Variants in GRIK2 observed in about 807,000 individuals in gnomAD.
GRIK2 encodes glutamate receptor ionotropic, kainate 2.
GRIK2 carries 32 observed loss-of-function variants against 100.3 expected under a neutral mutation model. The ratio of observed to expected loss-of-function variants is 0.32; its 90% CI spans 0.24 to 0.43. GRIK2 has a LOEUF of 0.43. Among genes scored for constraint, GRIK2 ranks in the 20% least tolerant of loss-of-function variants. GRIK2 has a pLI of 1.00. For missense variants in GRIK2, 843 were observed against 1,114.9 expected, an observed-to-expected ratio of 0.76 and a Z score of 3.47; for synonymous variants, 417 against 389.4, an observed-to-expected ratio of 1.07 and a Z score of -0.83.
chr6:101,640,909 G>A (rs1562279175), intron 4 of GRIK2, among the ~76,000 whole-genome samples: 1 of 152,004 alleles, frequency 6.6e-6, no homozygotes, highest in Non-Finnish European at 1.5e-5. Flanking sequence ...GCATCATTTT[G>A]TATGTAAAAC....
chr6:101,451,703 G>A (rs959269547), intron 2 of GRIK2, among the ~76,000 whole-genome samples: 13 of 138,372 alleles, frequency 9.4e-5, no homozygotes, highest in Admixed American at 3.7e-4. Context: ...TGAGGGGGGG[G>A]GGGGTGCCAA....
chr6:101,398,282 T>C (rs1775097067), intron 1 of GRIK2, among the ~76,000 whole-genome samples: 1 of 152,240 alleles, frequency 6.6e-6, no homozygotes, highest in Non-Finnish European at 1.5e-5. Context: ...TGCACAATTA[T>C]TTTCTTTGAG....
intron 2 of GRIK2, among the ~76,000 whole-genome samples, chr6:101,482,329 G>A (rs535032839): frequency 3.9e-5 from 6 of 152,188 alleles, no homozygotes; most frequent in Admixed American, 1.3e-4. Flanking sequence ...CTGCTTTATC[G>A]ACAGGCAAAA....
At chr6:101,868,316 A>G (rs1050483097) in intron 11 of GRIK2, among the ~76,000 whole-genome samples, 2 of 151,786 alleles carry the variant, frequency 1.3e-5, no homozygotes, top group African/African-American at 4.8e-5. Flanking sequence ...TAAAAATGAA[A>G]ATAGAAATAT....
intron 14 of GRIK2, among the ~76,000 whole-genome samples, chr6:101,998,812 CTTTT>C (rs755522043): frequency 9.1e-6 from 1 of 110,074 alleles, no homozygotes; most frequent in East Asian, 2.7e-4. Flanking sequence ...TTTTTCTTTT[CTTTT>C]TTTTTTTTTT....
chr6:101,566,198 A>C (rs1026589462), intron 2 of GRIK2, among the ~76,000 whole-genome samples: 2 of 151,708 alleles, frequency 1.3e-5, no homozygotes, highest in Admixed American at 6.6e-5. Context: ...TTCAAGAGCC[A>C]ACTGTACAAG....
At chr6:101,997,234 C>T in intron 14 of GRIK2, among the ~76,000 whole-genome samples, 1 of 151,886 alleles carries the variant, frequency 6.6e-6, no homozygotes, top group East Asian at 1.9e-4. Flanking sequence ...TTAGTCTATG[C>T]AAGGTCTTTC....
chr6:101,549,700 G>A (rs1462482747), intron 2 of GRIK2, among the ~76,000 whole-genome samples: 2 of 152,072 alleles, frequency 1.3e-5, no homozygotes, highest in Non-Finnish European at 2.9e-5. Flanking sequence ...TTAGGTATCT[G>A]CTCTTTTTTG....
intron 14 of GRIK2, among the ~76,000 whole-genome samples, chr6:101,945,955 G>T (rs1582590710): frequency 1.5e-5 from 2 of 137,664 alleles, no homozygotes; most frequent in Non-Finnish European, 3.1e-5. Context: ...ATTAATCCTT[G>T]TAAGTAAATT....
At chr6:101,426,556 A>G (rs1776712590) in intron 2 of GRIK2, among the ~76,000 whole-genome samples, 1 of 152,182 alleles carries the variant, frequency 6.6e-6, no homozygotes, top group Non-Finnish European at 1.5e-5. Flanking sequence ...CCATAAACAT[A>G]TACAACTATT....
intron 2 of GRIK2, among the ~76,000 whole-genome samples, chr6:101,456,928 A>G (rs894803081): frequency 2.6e-5 from 4 of 152,140 alleles, no homozygotes; most frequent in African/African-American, 9.6e-5. Flanking sequence ...ACAGATAATT[A>G]TTTCTGGATT....
intron 14 of GRIK2, among the ~76,000 whole-genome samples, chr6:101,987,030 C>A (rs1487893605): frequency 6.6e-6 from 1 of 151,760 alleles, no homozygotes; most frequent in East Asian, 2.0e-4. Flanking sequence ...GTAGACTTAG[C>A]TACTTAGGAG....
At chr6:101,987,832 T>C (rs1377962776) in intron 14 of GRIK2, among the ~76,000 whole-genome samples, 1 of 151,664 alleles carries the variant, frequency 6.6e-6, no homozygotes, top group African/African-American at 2.4e-5. Flanking sequence ...CAGATTTAAA[T>C]TTTTTCATTT....
intron 14 of GRIK2, among the ~76,000 whole-genome samples, chr6:101,952,436 A>G (rs964269823): frequency 6.6e-5 from 10 of 152,150 alleles, no homozygotes; most frequent in African/African-American, 2.4e-4. Context: ...CCATGTGACC[A>G]AAGCCCAAGT....
intron 2 of GRIK2, among the ~76,000 whole-genome samples, chr6:101,507,507 A>C (rs1185034186): frequency 6.6e-6 from 1 of 152,164 alleles, no homozygotes; most frequent in Non-Finnish European, 1.5e-5. Context: ...AAAAAAAATT[A>C]CCTAAATCTT....
At position 101,480,530 on chromosome 6, in the gene GRIK2, T is replaced by C. The variant is rs562972331; in HGVS notation, c.115+81138T>C. 5.9e-5 allele frequency among the ~76,000 whole-genome samples: 9 copies of C among 152,298 alleles called. No homozygotes were observed. In the South Asian group the frequency reaches 1.9e-3, roughly 32 times the overall value. On this transcript the variant is annotated intron_variant, in intron 2 of 16. Transcript: ENST00000369134. ...CCTACAAAGCCTCACTGTTGCTTTG[T>C]TGCTTTGGCTTTCACCTCTGCCAAA... is the stretch of plus-strand genomic sequence containing the variant.
chr6:101,835,711 C>A (rs1189084045), intron 10 of GRIK2, among the ~76,000 whole-genome samples: 2 of 147,686 alleles, frequency 1.4e-5, no homozygotes, highest in Admixed American at 6.9e-5. Flanking sequence ...GTGATCCACC[C>A]GCCTCGGCCT....
intron 2 of GRIK2, among the ~76,000 whole-genome samples, chr6:101,515,457 G>A (rs1774537123): frequency 1.3e-5 from 2 of 152,222 alleles, no homozygotes; most frequent in South Asian, 4.1e-4. Context: ...GGATTAAACA[G>A]TAGTTCTACT....
At chr6:101,438,713 A>G (rs532172982) in intron 2 of GRIK2, among the ~76,000 whole-genome samples, 34 of 152,288 alleles carry the variant, frequency 2.2e-4, no homozygotes, top group African/African-American at 7.7e-4. Flanking sequence ...TCAAAGTGAC[A>G]TGTCAAGTAT....
Sources: allele counts gnomAD v4.1 joint callset (sites outside exome capture counted in the v4.1 genomes callset), GRCh38; gene constraint gnomAD v4.1.1; transcripts MANE v1.5; gene names NCBI Gene and HGNC (gene_info 2026-07-23, HGNC 2026-07-21).